GNG7: variants seen among roughly 807,000 people sequenced by gnomAD.
The protein encoded by GNG7 is G protein subunit gamma 7, also known as guanine nucleotide-binding protein G(I)/G(S)/G(O) subunit gamma-7.
Under a neutral mutation model 4.0 loss-of-function variants are expected in GNG7, and 1 was observed. The observed-to-expected ratio is 0.25, with a 90% CI of 0.09 to 1.18. The LOEUF (loss-of-function observed/expected upper bound fraction) is 1.18. Among genes scored for constraint, GNG7 ranks in the 50% most tolerant of loss-of-function variants. GNG7 has a pLI of 0.50. For missense variants in GNG7, 86 were observed against 91.9 expected (o/e 0.94, Z 0.26); for synonymous variants, 34 against 36.9 (o/e 0.92, Z 0.29).
chr19:2,688,834 G>A (rs1259356938), intron 1 of GNG7, among the ~76,000 whole-genome samples: 1 of 152,090 alleles, frequency 6.6e-6, no homozygotes, highest in African/African-American at 2.4e-5. Flanking sequence ...GGGAGTCCGG[G>A]GTGGCAGGAT....
At chr19:2,575,727 G>GCAGGCACATGCAGACA (rs1980301924) in intron 2 of GNG7, among the ~76,000 whole-genome samples, 2 of 55,726 alleles carry the variant, frequency 3.6e-5, no homozygotes, top group African/African-American at 2.3e-4. Context: ...ACGCAGACAC[G>GCAGGCACATGCAGACA]CAGGCACACG....
chr19:2,646,132 C>A (rs1043924914), intron 2 of GNG7, 92 bp downstream of exon 2: 1 of 152,256 alleles, frequency 6.6e-6, no homozygotes, highest in African/African-American at 2.4e-5. Flanking sequence ...CCAAGACGCC[C>A]GCCTTGACGG....
chr19:2,545,014 C>G (rs1365549842), intron 3 of GNG7, among the ~76,000 whole-genome samples: 1 of 152,174 alleles, frequency 6.6e-6, no homozygotes, highest in Non-Finnish European at 1.5e-5. Flanking sequence ...TGGGATTCAC[C>G]TCCTCTCTCC....
intron 3 of GNG7, among the ~76,000 whole-genome samples, chr19:2,527,953 G>A (rs1458959953): frequency 1.3e-5 from 2 of 152,116 alleles, no homozygotes; most frequent in African/African-American, 2.4e-5. Flanking sequence ...GCTGACTGAA[G>A]GCCCCAAAAA....
Position 2,653,489 on chromosome 19 carries a change from T to C in GNG7, c.-134-7209A>G, listed in dbSNP as rs1982883320. On this transcript the variant is annotated intron_variant, in intron 1 of 4. Coordinates refer to ENST00000382159, the MANE Select transcript of GNG7 (RefSeq NM_052847.3). This position sits in a 1 kb window ranked among gnomAD's most constrained non-coding sequence, Gnocchi z 4.8. ...CCAGGAGCTGGGGGGCCCCCCTGGTTTATACCGTCTTCCCCATCAGGAGTT... is the reference window on the plus strand; with the variant it reads ...CCAGGAGCTGGGGGGCCCCCCTGGTCTATACCGTCTTCCCCATCAGGAGTT... Among the ~76,000 whole-genome samples the C allele has an allele frequency of 6.6e-6, 1 of 152,150 alleles. No homozygotes were observed. The highest frequency in any genetic ancestry group is 2.4e-5 in the African/African-American group (1 of 41,436).
intron 2 of GNG7, among the ~76,000 whole-genome samples, chr19:2,577,958 C>T (rs1568250855): frequency 1.3e-5 from 2 of 151,930 alleles, no homozygotes; most frequent in South Asian, 2.1e-4. Flanking sequence ...CCACCTCAGC[C>T]CCTCGAGTAG....
At chr19:2,522,497 G>A (rs982946644) in intron 3 of GNG7, among the ~76,000 whole-genome samples, 6 of 151,600 alleles carry the variant, frequency 4.0e-5, no homozygotes, top group Non-Finnish European at 8.8e-5. Flanking sequence ...AGGACTGGCC[G>A]GGCGCGGTGG....
chr19:2,570,096 C>T (rs1043981291), intron 2 of GNG7, among the ~76,000 whole-genome samples: 4 of 151,936 alleles, frequency 2.6e-5, no homozygotes, highest in African/African-American at 9.7e-5. Context: ...CGGGAATGAG[C>T]GAGTTCCCAC....
intron 2 of GNG7, among the ~76,000 whole-genome samples, chr19:2,590,600 C>T (rs147473904): frequency 1.3e-3 from 127 of 100,426 alleles, no homozygotes; most frequent in East Asian, 0.012. Flanking sequence ...CACCCACCCA[C>T]CCACCCATCC....
At chr19:2,645,735 C>T (rs4807310) in intron 2 of GNG7, among the ~76,000 whole-genome samples, 121,964 of 151,946 alleles carry the variant, frequency 0.8, 49,420 homozygotes, top group African/African-American at 0.9. Context: ...ACATTTCTGC[C>T]TTCCTTTCTA....
chr19:2,672,130 C>T (rs970628071), intron 1 of GNG7, among the ~76,000 whole-genome samples: 1 of 151,230 alleles, frequency 6.6e-6, no homozygotes, highest in Non-Finnish European at 1.5e-5. Context: ...TGCTGCCTGC[C>T]AGGTTCAAGC....
At chr19:2,674,444 G>GT (rs72220716) in intron 1 of GNG7, among the ~76,000 whole-genome samples, 275 of 151,202 alleles carry the variant, frequency 1.8e-3, no homozygotes, top group African/African-American at 5.2e-3. Flanking sequence ...TTTTTGTTTT[G>GT]TTTTTTTTTG....
At position 2,588,505 on chromosome 19, in the gene GNG7, T is replaced by A. The variant is rs557518425; in HGVS notation, c.-77-33317A>T. ...CCGGGCAGGGCGGTCAAAGGGCCCG[T>A]TCCCCCGGCTGGGAAAAAAGCAGGA... On this transcript the variant is annotated intron_variant, in intron 2 of 4. Coordinates refer to ENST00000382159, the MANE Select transcript of GNG7 (RefSeq NM_052847.3). Among the ~76,000 whole-genome samples, 132 of 152,300 alleles carry A rather than the reference T, an allele frequency of 8.7e-4. 1 individual carries two copies. Among genetic ancestry groups the A allele is most frequent in the African/African-American group, 2.9e-3 (121 of 41,572 alleles).
chr19:2,664,411 G>C (rs1459489698), intron 1 of GNG7, among the ~76,000 whole-genome samples: 1 of 152,200 alleles, frequency 6.6e-6, no homozygotes, highest in Non-Finnish European at 1.5e-5. Flanking sequence ...TGCCGGGACT[G>C]GGGGAGTGAC....
chr19:2,660,663 C>A (rs779051353), intron 1 of GNG7, among the ~76,000 whole-genome samples: 6 of 152,134 alleles, frequency 3.9e-5, no homozygotes, highest in Non-Finnish European at 8.8e-5. Context: ...TGATGGTGTG[C>A]CCCTGTAATC....
At position 2,609,859 on chromosome 19, in the gene GNG7, C is replaced by T. The variant is rs1201465485; in HGVS notation, c.-78+36365G>A. ...GGGGGACCCTCGGTGAGCCAGTGAA[C>T]TCAGTGCACTTCTGGAGCTCCCTGA... On this transcript the variant is annotated intron_variant, in intron 2 of 4. Coordinates refer to ENST00000382159, the MANE Select transcript of GNG7 (RefSeq NM_052847.3). The surrounding 1 kb of genome is among the most constrained non-coding windows in gnomAD (Gnocchi z 4.4). 6.6e-6 allele frequency among the ~76,000 whole-genome samples: 1 copy of T among 152,182 alleles called. No individual in the cohort carries two copies. The highest frequency in any genetic ancestry group is 1.5e-5 in the Non-Finnish European group (1 of 68,040).
In GNG7 at chr19:2,653,820, C is replaced by CT. The variant is rs1319322397; in HGVS notation, c.-134-7541dup. 6.6e-6 allele frequency among the ~76,000 whole-genome samples: 1 copy of CT among 152,238 alleles called. No homozygotes were observed. Among genetic ancestry groups the CT allele is most frequent in the African/African-American group, 2.4e-5 (1 of 41,460 alleles). ...CGTGTCCCCTCCTCACTCAGCCCTC[C>CT]TATCCACAGGTGACTCACAGTCCCC... On this transcript the variant is annotated intron_variant, in intron 1 of 4. Transcript: ENST00000382159. The surrounding 1 kb of genome is among the most constrained non-coding windows in gnomAD (Gnocchi z 4.8).
At chr19:2,537,254 C>A (rs1311552241) in intron 3 of GNG7, among the ~76,000 whole-genome samples, 1 of 151,246 alleles carries the variant, frequency 6.6e-6, no homozygotes, top group Non-Finnish European at 1.5e-5. Flanking sequence ...CGGCCACATA[C>A]ATATTTTTAG....
chr19:2,637,116 G>C (rs1040617698), intron 2 of GNG7, among the ~76,000 whole-genome samples: 7 of 151,758 alleles, frequency 4.6e-5, no homozygotes, highest in Non-Finnish European at 1.0e-4. Context: ...CAGGCCCGGG[G>C]CCAGGAAACT....
Sources: allele counts gnomAD v4.1 joint callset (sites outside exome capture counted in the v4.1 genomes callset), GRCh38; gene constraint gnomAD v4.1.1; non-coding constraint Gnocchi (gnomAD v3.1); transcripts MANE v1.5; gene names NCBI Gene and HGNC (gene_info 2026-07-23, HGNC 2026-07-21).